The following TWIST2 variants were observed in gnomAD, a reference collection of about 807,000 sequenced individuals.
TWIST2 encodes the protein twist-related protein 2.
Under a neutral mutation model 11.6 loss-of-function variants are expected in TWIST2, and 1 was observed. The observed-to-expected ratio is 0.09, with a 90% CI of 0.03 to 0.41. TWIST2 has a LOEUF of 0.41. TWIST2 is among the 10% of genes least tolerant of loss of function. The pLI is 0.98. For synonymous variants in TWIST2, 87 were observed against 96.6 expected, an observed-to-expected ratio of 0.90 and a Z score of 0.58; for missense variants, 168 against 226.4, an observed-to-expected ratio of 0.74 and a Z score of 1.66.
At chr2:238,871,641 A>C (rs1170557528) in intron 1 of TWIST2, among the ~76,000 whole-genome samples, 7 of 85,430 alleles carry the variant, frequency 8.2e-5, no homozygotes, top group South Asian at 6.5e-4. Context: ...CACACCCCAC[A>C]CACAAACACC....
intron 1 of TWIST2, among the ~76,000 whole-genome samples, chr2:238,898,449 A>G (rs1693231147): frequency 6.6e-6 from 1 of 152,368 alleles, no homozygotes; most frequent in South Asian, 2.1e-4. Flanking sequence ...TTGCTGGTCC[A>G]GGGACCAACT....
intron 1 of TWIST2, among the ~76,000 whole-genome samples, chr2:238,898,078 G>A (rs1277549695): frequency 6.6e-6 from 1 of 152,230 alleles, no homozygotes; most frequent in African/African-American, 2.4e-5. Flanking sequence ...CAAGAGGGCT[G>A]GAGGCTGTGT....
chr2:238,902,709 T>C (rs1391267252), intron 1 of TWIST2, among the ~76,000 whole-genome samples: 1 of 118,186 alleles, frequency 8.5e-6, no homozygotes, highest in Non-Finnish European at 1.7e-5. Context: ...ATGTGTGAGG[T>C]GTGTGTGATG....
At chr2:238,877,537 G>C (rs1692828984) in intron 1 of TWIST2, among the ~76,000 whole-genome samples, 1 of 151,946 alleles carries the variant, frequency 6.6e-6, no homozygotes, top group South Asian at 2.1e-4. Flanking sequence ...CCAGCAATAA[G>C]CAATTCAATC....
In TWIST2 at chr2:238,864,889, A is replaced by G. The variant is rs1013757288; in HGVS notation, c.*35+16156A>G. ...GTGTGTGGCCAGGCCAGGCCTGGAG[A>G]TCCGCCAGGAGCAGAGAGCTCCGGA... On this transcript the variant is annotated intron_variant, in intron 1 of 1. Transcript: ENST00000612363. This position sits in a 1 kb window ranked among gnomAD's most constrained non-coding sequence, Gnocchi z 4.7. Among the ~76,000 whole-genome samples, 3 of 152,048 alleles carry G rather than the reference A, an allele frequency of 2.0e-5. No individual in the cohort carries two copies. Among genetic ancestry groups the G allele is most frequent in the Admixed American group, 6.5e-5 (1 of 15,274 alleles).
intron 1 of TWIST2, among the ~76,000 whole-genome samples, chr2:238,876,110 C>G (rs1343547367): frequency 6.6e-6 from 1 of 152,178 alleles, no homozygotes; most frequent in Non-Finnish European, 1.5e-5. Flanking sequence ...TCCCAGTGCA[C>G]CGGTCACTGC....
At chr2:238,856,864 G>A (rs937133893) in intron 1 of TWIST2, among the ~76,000 whole-genome samples, 6 of 152,168 alleles carry the variant, frequency 3.9e-5, no homozygotes, top group Non-Finnish European at 7.4e-5. Flanking sequence ...ATAGTGCCAC[G>A]AGGGAGGCCG....
chr2:238,906,999 A>T (rs1693364585), intron 1 of TWIST2, among the ~76,000 whole-genome samples: 1 of 152,080 alleles, frequency 6.6e-6, no homozygotes, highest in Non-Finnish European at 1.5e-5. Context: ...GGGAGTGAGC[A>T]CTTACACGGC....
intron 1 of TWIST2, among the ~76,000 whole-genome samples, chr2:238,909,609 G>C (rs1254129634): frequency 2.0e-5 from 3 of 152,150 alleles, no homozygotes; most frequent in Non-Finnish European, 4.4e-5. Flanking sequence ...GGCACTCGGG[G>C]GAGGGAAAGG....
intron 1 of TWIST2, among the ~76,000 whole-genome samples, chr2:238,909,111 G>T (rs1693409147): frequency 6.4e-4 from 16 of 24,920 alleles, no homozygotes; most frequent in East Asian, 2.7e-3. Flanking sequence ...TGGTGTGTGT[G>T]TATGTGGGGT....
In TWIST2 at chr2:238,859,930, C is replaced by A. The variant is rs552611270; in HGVS notation, c.*35+11197C>A. ...GACTGAGTTCTCACCCTCTGGGGGC[C>A]GAGGCAGAGAGGGATTCACGCTAAG... On this transcript the variant is annotated intron_variant, in intron 1 of 1. Transcript: ENST00000612363. Among the ~76,000 whole-genome samples, 9 of 152,232 alleles carry A rather than the reference C, an allele frequency of 5.9e-5. No individual in the cohort carries two copies. The East Asian group carries it at 1.5e-3, about 26-fold the overall frequency.
intron 1 of TWIST2, among the ~76,000 whole-genome samples, chr2:238,909,629 G>A (rs1319092629): frequency 6.6e-6 from 1 of 152,110 alleles, no homozygotes; most frequent in African/African-American, 2.4e-5. Flanking sequence ...GGCTTGGCCT[G>A]GCCCAGGGGG....
rs148784637 is a variant in TWIST2 at position 238,870,030 on chromosome 2, C to T, written c.*35+21297C>T. ...CTGCTGGTGGGAATGTAAACCAGTG[C>T]TATAGAAGACAGTACGGAGGGTCCT... On this transcript the variant is annotated intron_variant, in intron 1 of 1. Coordinates refer to ENST00000612363, the MANE Select transcript of TWIST2 (RefSeq NM_001271893.4). Among the ~76,000 whole-genome samples the T allele has an allele frequency of 5.5e-5, 8 of 145,674 alleles. No individual in the cohort carries two copies. The East Asian group carries it at 1.6e-3, about 29-fold the overall frequency.
intron 1 of TWIST2, among the ~76,000 whole-genome samples, chr2:238,907,550 G>T (rs1389457223): frequency 1.3e-5 from 2 of 152,100 alleles, no homozygotes; most frequent in African/African-American, 4.8e-5. Context: ...CAGTTTGATT[G>T]GCCCACAAGT....
chr2:238,884,470 G>GGGAAGAAGC (rs879560607), intron 1 of TWIST2, among the ~76,000 whole-genome samples: 3 of 152,326 alleles, frequency 2.0e-5, no homozygotes, highest in Middle Eastern at 3.4e-3. Flanking sequence ...CCCCTCCCCT[G>GGGAAGAAGC]CCTGGCCATG....
chr2:238,894,131 C>T lies in TWIST2; in HGVS notation c.*36-15711C>T, dbSNP rs1037996122. On this transcript the variant is annotated intron_variant, in intron 1 of 1. Coordinates refer to ENST00000612363, the MANE Select transcript of TWIST2 (RefSeq NM_001271893.4). The stretch of plus-strand genomic sequence containing the variant: ...CAAAGCAAGCATCTCAACCTCTGTG[C>T]CGATTCCTCCTCTCTCCAAGGGGAG... Among the ~76,000 whole-genome samples the T allele has an allele frequency of 5.3e-5, 8 of 152,338 alleles. 1 individual carries two copies. The East Asian group carries it at 1.5e-3, about 29-fold the overall frequency.
chr2:238,877,478 A>G (rs1692827743), intron 1 of TWIST2, among the ~76,000 whole-genome samples: 1 of 152,208 alleles, frequency 6.6e-6, no homozygotes, highest in Admixed American at 6.5e-5. Context: ...ATTTAGACTG[A>G]AGGCAATTGC....
intron 1 of TWIST2, among the ~76,000 whole-genome samples, chr2:238,905,566 C>T (rs1181964029): frequency 6.6e-6 from 1 of 152,136 alleles, no homozygotes; most frequent in Non-Finnish European, 1.5e-5. Flanking sequence ...AACCCTGAAA[C>T]CCACCACTGG....
intron 1 of TWIST2, chr2:238,887,198 C>CCCTCATTT (rs1693055898): frequency 6.6e-6 from 1 of 152,052 alleles, no homozygotes; most frequent in African/African-American, 2.4e-5. Flanking sequence ...CCGGTAATAA[C>CCCTCATTT]CCTCATTTCC....
Sources: gnomAD v4.1 joint callset for allele counts (sites outside exome capture counted in the v4.1 genomes callset) on GRCh38, gnomAD v4.1.1 for gene constraint, Gnocchi (gnomAD v3.1) non-coding constraint, MANE v1.5 for transcripts, NCBI Gene and HGNC (gene_info 2026-07-23, HGNC 2026-07-21) for gene names.